RBKS: variants seen among roughly 807,000 people sequenced by gnomAD.
The protein encoded by RBKS is ribokinase.
In RBKS, 33 loss-of-function variants were observed where a neutral mutation model predicts 33.9. The ratio of observed to expected loss-of-function variants is 0.97; its 90% CI spans 0.74 to 1.30. RBKS has a LOEUF of 1.30. Ranked by LOEUF, RBKS falls within the 50% of genes most tolerant of loss-of-function variation. The pLI is 0.00. For missense variants in RBKS, 361 were observed against 392.6 expected (o/e 0.92, Z 0.68); for synonymous variants, 125 against 143.0 (o/e 0.87, Z 0.90).
intron 7 of RBKS, among the ~76,000 whole-genome samples, chr2:27,800,113 C>T (rs76542340): frequency 0.016 from 2,206 of 140,196 alleles, 21 homozygotes; most frequent in Middle Eastern, 0.091. Context: ...GTTACAGTGG[C>T]GCGATCACGG....
chr2:27,829,489 C>T (rs1344013916), intron 6 of RBKS, among the ~76,000 whole-genome samples: 1 of 151,678 alleles, frequency 6.6e-6, no homozygotes, highest in Admixed American at 6.6e-5. Context: ...CTGCTTCAGC[C>T]TCCTGAGTAG....
chr2:27,861,668 G>T lies in RBKS; in HGVS notation c.90-3097C>A, dbSNP rs553266807. On this transcript the variant is annotated intron_variant, in intron 1 of 7. Coordinates refer to ENST00000302188, the MANE Select transcript of RBKS (RefSeq NM_022128.3). ...TAGTATGTTCCATTTCTTTTTGGGG[G>T]GGGGGTGGAGTCTCACTTTGTCTCC... is the stretch of plus-strand genomic sequence containing the variant. The T allele has an allele frequency of 2.1e-5, 9 of 429,678 alleles. 1 individual carries two copies. Among genetic ancestry groups the T allele is most frequent in the South Asian group, 5.2e-5 (3 of 58,074 alleles). 26.6% of individuals were successfully genotyped at this position (429,678 alleles called of 1,614,324 possible).
rs1677964523 is a variant in RBKS at position 27,810,186 on chromosome 2, T to C, written c.795+17381A>G. The C allele has an allele frequency of 9.1e-7, 1 of 1,099,286 alleles. No homozygotes were observed. The highest frequency in any genetic ancestry group is 1.6e-5 in the African/African-American group (1 of 61,228). 68.1% of individuals were successfully genotyped at this position (1,099,286 alleles called of 1,614,324 possible). ...TTGTCTACACAACCCAAATTCGTCA[T>C]ATACTGGCTGATTTGTCACTTTATC... On this transcript the variant is annotated intron_variant, in intron 7 of 7. Transcript: ENST00000302188. This position sits in a 1 kb window ranked among gnomAD's most constrained non-coding sequence, Gnocchi z 4.4.
chr2:27,840,060 C>T (rs1663449536), intron 5 of RBKS, among the ~76,000 whole-genome samples: 1 of 149,052 alleles, frequency 6.7e-6, no homozygotes, highest in African/African-American at 2.5e-5. Context: ...CGCTCTGTCA[C>T]CCAGGCTGGA....
intron 7 of RBKS, among the ~76,000 whole-genome samples, chr2:27,800,310 A>T (rs995504640): frequency 2.6e-5 from 4 of 152,080 alleles, no homozygotes; most frequent in African/African-American, 4.8e-5. Context: ...TACAACTGGA[A>T]AATGTTTTTT....
intron 4 of RBKS, among the ~76,000 whole-genome samples, chr2:27,845,107 C>G (rs1463653012): frequency 6.6e-6 from 1 of 152,222 alleles, no homozygotes; most frequent in Non-Finnish European, 1.5e-5. Flanking sequence ...TCTCTCCTTC[C>G]TTTTCTTCAG....
chr2:27,850,195 T>G (rs1203328066), intron 2 of RBKS, among the ~76,000 whole-genome samples: 3 of 152,212 alleles, frequency 2.0e-5, no homozygotes, highest in Non-Finnish European at 4.4e-5. Flanking sequence ...TTTTAGGTTC[T>G]CAGCCTAAGA....
intron 7 of RBKS, among the ~76,000 whole-genome samples, chr2:27,797,101 G>A (rs182133715): frequency 2.2e-4 from 34 of 152,364 alleles, no homozygotes; most frequent in African/African-American, 8.2e-4. Context: ...GAGTCTGCTG[G>A]TCTGCGATAG....
At chr2:27,818,975 G>A (rs949234555) in intron 7 of RBKS, among the ~76,000 whole-genome samples, 1 of 152,122 alleles carries the variant, frequency 6.6e-6, no homozygotes, top group African/African-American at 2.4e-5. Context: ...AGATGATTTA[G>A]GCCAGTCCTC....
chr2:27,875,231 C>G (rs186853144), intron 1 of RBKS, among the ~76,000 whole-genome samples: 2 of 152,114 alleles, frequency 1.3e-5, no homozygotes. Flanking sequence ...GGCAAATAGG[C>G]AATATATTTC....
intron 1 of RBKS, among the ~76,000 whole-genome samples, chr2:27,887,710 TTTA>T (rs1482328853): frequency 2.3e-5 from 1 of 43,298 alleles, no homozygotes; most frequent in African/African-American, 4.8e-5. Flanking sequence ...CAGTAAAATT[TTTA>T]CTAGTGATTT....
At chr2:27,811,804 C>T (rs372229084) in intron 7 of RBKS, among the ~76,000 whole-genome samples, 43 of 152,100 alleles carry the variant, frequency 2.8e-4, no homozygotes, top group Admixed American at 2.0e-3. Context: ...TTTGCTGGTC[C>T]GGGTAATCAT....
At position 27,795,828 on chromosome 2, in the gene RBKS, T is replaced by C. The variant is rs1462722922; in HGVS notation, c.796-14040A>G. ...TTTGACATCCTGTAATCCCTTTGTA[T>C]TTCTCTTAGGACTCTGAGTTCATTG... On this transcript the variant is annotated intron_variant, in intron 7 of 7. Transcript: ENST00000302188. The surrounding 1 kb of genome is among the most constrained non-coding windows in gnomAD (Gnocchi z 4.1). 2.0e-5 allele frequency among the ~76,000 whole-genome samples: 3 copies of C among 152,188 alleles called. No individual in the cohort carries two copies. Among genetic ancestry groups the C allele is most frequent in the Non-Finnish European group, 2.9e-5 (2 of 68,034 alleles).
intron 7 of RBKS, among the ~76,000 whole-genome samples, chr2:27,812,662 A>T (rs893487284): frequency 6.6e-6 from 1 of 152,174 alleles, no homozygotes; most frequent in Non-Finnish European, 1.5e-5. Flanking sequence ...AACAATGAGA[A>T]CACTTGGACA....
At chr2:27,879,553 T>C (rs957127530) in intron 1 of RBKS, among the ~76,000 whole-genome samples, 8 of 152,172 alleles carry the variant, frequency 5.3e-5, no homozygotes, top group Admixed American at 2.6e-4. Flanking sequence ...TGGAATGATA[T>C]AGCAATCTCA....
At chr2:27,824,662 T>C (rs1012828941) in intron 7 of RBKS, among the ~76,000 whole-genome samples, 1 of 152,238 alleles carries the variant, frequency 6.6e-6, no homozygotes, top group Non-Finnish European at 1.5e-5. Flanking sequence ...TTGGCTATTA[T>C]GAATAATGCT....
At chr2:27,829,626 C>G (rs546354301) in intron 6 of RBKS, among the ~76,000 whole-genome samples, 1 of 152,160 alleles carries the variant, frequency 6.6e-6, no homozygotes, top group South Asian at 2.1e-4. Flanking sequence ...CTTGGCCTCC[C>G]AAAGTGCTGG....
chr2:27,783,634 G>A (rs1406873736), intron 7 of RBKS, among the ~76,000 whole-genome samples: 4 of 152,122 alleles, frequency 2.6e-5, no homozygotes, highest in African/African-American at 7.2e-5. Flanking sequence ...TAGGCCGGGC[G>A]CAGTGGCTCA....
intron 1 of RBKS, chr2:27,861,670 G>GGGGGGGGGGC: frequency 2.3e-6 from 1 of 427,834 alleles, no homozygotes; most frequent in South Asian, 1.7e-5. Context: ...TTTTGGGGGG[G>GGGGGGGGGGC]GGGTGGAGTC....
Sources: allele counts gnomAD v4.1 joint callset (sites outside exome capture counted in the v4.1 genomes callset), GRCh38; gene constraint gnomAD v4.1.1; non-coding constraint Gnocchi (gnomAD v3.1); transcripts MANE v1.5; gene names NCBI Gene and HGNC (gene_info 2026-07-23, HGNC 2026-07-21).